RAD50: variants seen among roughly 807,000 people sequenced by gnomAD.
RAD50 encodes RAD50 double strand break repair protein.
In RAD50, 132 loss-of-function variants were observed where a neutral mutation model predicts 168.8. The ratio of observed to expected loss-of-function variants is 0.78; its 90% CI spans 0.68 to 0.90. The LOEUF is 0.90. Ranked by LOEUF, RAD50 falls within the 40% of genes least tolerant of loss-of-function variation. RAD50 has a pLI of 0.00. For missense variants in RAD50, 1,347 were observed against 1,534.4 expected (o/e 0.88, Z 2.04); for synonymous variants, 525 against 497.4 (o/e 1.06, Z -0.74).
chr5:132,565,514 C>A (rs1750192346), intron 2 of RAD50, among the ~76,000 whole-genome samples: 1 of 152,068 alleles, frequency 6.6e-6, no homozygotes, highest in African/African-American at 2.4e-5. Context: ...ATTCTGTATA[C>A]ACTTTGACTT....
intron 19 of RAD50, among the ~76,000 whole-genome samples, chr5:132,610,866 G>C (rs1751071875): frequency 6.6e-6 from 1 of 152,162 alleles, no homozygotes; most frequent in African/African-American, 2.4e-5. Flanking sequence ...CCCTTTTAAA[G>C]TGATGGTCTA....
chr5:132,558,493 C>G (rs543236200), intron 1 of RAD50, among the ~76,000 whole-genome samples: 2 of 151,616 alleles, frequency 1.3e-5, no homozygotes. Context: ...GGTGGATCAC[C>G]TGAGGTCAGG....
chr5:132,579,338 G>A lies in RAD50; in HGVS notation c.387G>A (p.Leu129=), dbSNP rs1554097760. The change falls in exon 4 of 25, where the codon CTG becomes CTA. Residue 129 remains leucine (L), a synonymous_variant. Coordinates refer to ENST00000378823, the MANE Select transcript of RAD50 (RefSeq NM_005732.4). ...GTAGGCATGGTGAAAAGGTCAGTCTGAGCTCTAAGTGTGCAGAAATTGACC... is the reference window on the plus strand; with the variant it reads ...GTAGGCATGGTGAAAAGGTCAGTCTAAGCTCTAAGTGTGCAGAAATTGACC... ...TRTKHGEKVS[L]SSKCAEIDRE... 6.2e-7 allele frequency: 1 copy of A among 1,613,960 alleles called. No homozygotes were observed. The highest frequency in any genetic ancestry group is 8.5e-7 in the Non-Finnish European group (1 of 1,179,944).
chr5:132,557,166 G>T lies in RAD50; in HGVS notation c.-159G>T. 1 of 988,070 alleles carries T rather than the reference G, an allele frequency of 1.0e-6. No individual in the cohort carries two copies. The allele number at this position is 988,070 out of a possible 1,614,324, so 61.2% of individuals were successfully genotyped here. A position where few individuals can be genotyped will look rare whatever the true frequency, so the allele number is the denominator to read the frequency against. On this transcript the variant is annotated 5_prime_UTR_variant, in exon 1 of 25. Transcript: ENST00000378823. Reference sequence around the variant, plus strand: ...CCCCGCCCCCTCTCTCCCGCTGTTGGCTGGCAGGATCTTTTGGCAGTCCTG... The same window carrying T: ...CCCCGCCCCCTCTCTCCCGCTGTTGTCTGGCAGGATCTTTTGGCAGTCCTG...
At chr5:132,622,523 A>G (rs1751303679) in intron 21 of RAD50, among the ~76,000 whole-genome samples, 1 of 151,738 alleles carries the variant, frequency 6.6e-6, no homozygotes. Flanking sequence ...CATTTTATAC[A>G]CATTTTATAC....
intron 2 of RAD50, among the ~76,000 whole-genome samples, chr5:132,569,065 G>A (rs2706346): frequency 0.07 from 10,625 of 151,944 alleles, 1,169 homozygotes; most frequent in African/African-American, 0.24. Context: ...AAAGTTAACA[G>A]GCATCCAAAG....
chr5:132,580,658 A>G (rs564176431), intron 5 of RAD50, among the ~76,000 whole-genome samples: 1 of 152,280 alleles, frequency 6.6e-6, no homozygotes, highest in South Asian at 2.1e-4. Context: ...AAATGAGTAT[A>G]CCTTCCTCAA....
intron 5 of RAD50, among the ~76,000 whole-genome samples, chr5:132,586,458 A>C (rs1750596109): frequency 6.6e-6 from 1 of 152,140 alleles, no homozygotes; most frequent in South Asian, 2.1e-4. Flanking sequence ...TTTTTTTCAA[A>C]TCTCTCTTTC....
chr5:132,619,811 T>TCTC (rs1751244006), intron 21 of RAD50, among the ~76,000 whole-genome samples: 1 of 130,992 alleles, frequency 7.6e-6, no homozygotes, highest in African/African-American at 3.4e-5. Flanking sequence ...TCTCTCTCTC[T>TCTC]ACTCCTCTCT....
chr5:132,582,274 T>A (rs1229538643), intron 5 of RAD50, among the ~76,000 whole-genome samples: 2 of 152,236 alleles, frequency 1.3e-5, no homozygotes, highest in Non-Finnish European at 2.9e-5. Flanking sequence ...ATTTATTTAC[T>A]TGTTTGTGTT....
At chr5:132,625,322 G>A (rs989814501) in intron 21 of RAD50, among the ~76,000 whole-genome samples, 1 of 151,918 alleles carries the variant, frequency 6.6e-6, no homozygotes, top group African/African-American at 2.4e-5. Context: ...TCCTGACCTC[G>A]TGATCCGCCC....
Position 132,592,007 on chromosome 5 carries a change from A to G in RAD50, c.1766A>G (p.Gln589Arg), listed in dbSNP as rs1338200174. The G allele has an allele frequency of 1.2e-6, 2 of 1,613,268 alleles. No homozygotes were observed. The highest frequency in any genetic ancestry group is 3.3e-5 in the Admixed American group (2 of 60,020). ...CATAGTAAATCAAAAGAAATTAATC[A>G]GACCAGGGACAGACTTGCCAAATTG... The part of the protein sequence containing the change: ...WLHSKSKEIN[Q>R]TRDRLAKLNK... Residue 589 changes from glutamine (Q) to arginine (R), a missense_variant, in exon 11 of 25, where the codon CAG becomes CGG. By Grantham distance (43) the Gln-to-Arg change is conservative. Transcript: ENST00000378823.
At chr5:132,604,068 T>A (rs763635166) in intron 15 of RAD50, 22 bp downstream of exon 15, 3 of 1,612,418 alleles carry the variant, frequency 1.9e-6, no homozygotes, top group Non-Finnish European at 2.5e-6. Flanking sequence ...TGTGTCCTTC[T>A]GTACTCATAG....
intron 21 of RAD50, among the ~76,000 whole-genome samples, chr5:132,629,447 G>T (rs1008968040): frequency 1.3e-5 from 2 of 152,158 alleles, no homozygotes; most frequent in African/African-American, 4.8e-5. Context: ...AGCCTGGCGG[G>T]GTGGAGAGGT....
At chr5:132,637,063 T>G (rs1202586973) in intron 21 of RAD50, 52 bp from the exon 22 acceptor site, 81 of 1,406,704 alleles carry the variant, frequency 5.8e-5, no homozygotes, top group Non-Finnish European at 7.3e-5. Flanking sequence ...ATATTACTAT[T>G]ACACATAATT....
chr5:132,560,047 A>G (rs1263688447), intron 2 of RAD50, among the ~76,000 whole-genome samples: 1 of 140,948 alleles, frequency 7.1e-6, no homozygotes, highest in African/African-American at 3.0e-5. Flanking sequence ...AAGTGAAACA[A>G]CAATACACAC....
intron 24 of RAD50, 31 bp downstream of exon 24, chr5:132,640,836 G>A (rs764022519): frequency 2.5e-6 from 4 of 1,613,802 alleles, no homozygotes; most frequent in Non-Finnish European, 2.5e-6. Context: ...CTCTGGTTGA[G>A]TAAGTATCTC....
chr5:132,584,665 A>G (rs1413029108), intron 5 of RAD50, among the ~76,000 whole-genome samples: 1 of 152,194 alleles, frequency 6.6e-6, no homozygotes, highest in Non-Finnish European at 1.5e-5. Context: ...TTGCAGCACT[A>G]CTCACAATAG....
intron 15 of RAD50, among the ~76,000 whole-genome samples, chr5:132,604,356 C>T (rs1004960360): frequency 7.9e-5 from 12 of 151,988 alleles, no homozygotes; most frequent in Middle Eastern, 3.2e-3. Context: ...ACCTCCGCCT[C>T]CCGGGTTCAA....
Sources: gnomAD v4.1 joint callset for allele counts (sites outside exome capture counted in the v4.1 genomes callset) on GRCh38, gnomAD v4.1.1 for gene constraint, MANE v1.5 for transcripts, NCBI Gene and HGNC (gene_info 2026-07-23, HGNC 2026-07-21) for gene names.